GGA2: variants seen among roughly 807,000 people sequenced by gnomAD.
GGA2 encodes the protein golgi associated, gamma adaptin ear containing, ARF binding protein 2, also known as ADP-ribosylation factor-binding protein GGA2.
A neutral mutation model predicts 79.5 loss-of-function variants in GGA2; 48 were observed. The ratio of observed to expected loss-of-function variants is 0.60; its 90% CI spans 0.48 to 0.77. The LOEUF (loss-of-function observed/expected upper bound fraction) is 0.77. GGA2 is among the 30% of genes least tolerant of loss of function. The pLI is 0.00. For synonymous variants in GGA2, 317 were observed against 302.0 expected, an observed-to-expected ratio of 1.05 and a Z score of -0.51; for missense variants, 770 against 774.0, an observed-to-expected ratio of 0.99 and a Z score of 0.06.
rs754527390 is a variant in GGA2, at chr16:23,486,093, G to A, written c.720C>T (p.Ser240=). The stretch of plus-strand genomic sequence containing the variant: ...GCATCTCCTGCAGCACCTTCACATG[G>A]CTTCGCACTTCCTCCACCGCACTGA... ...KRVSAVEEVR[S]HVKVLQEMLS... Residue 240 remains serine (S), a synonymous_variant, in exon 8 of 17, where the codon AGC becomes AGT. Coordinates refer to ENST00000309859, the MANE Select transcript of GGA2 (RefSeq NM_015044.4). 4.3e-6 allele frequency: 7 copies of A among 1,613,794 alleles called. No individual in the cohort carries two copies. Among genetic ancestry groups the A allele is most frequent in the Non-Finnish European group, 5.1e-6 (6 of 1,179,702 alleles).
At chr16:23,523,593 C>G (rs1378000284), upstream of GGA2, 1 of 152,272 alleles carries the variant, frequency 6.6e-6, no homozygotes, top group East Asian at 1.9e-4. Flanking sequence ...TGTCACGTAT[C>G]CTTTGCTGCT....
chr16:23,499,366 G>C (rs576710680), intron 1 of GGA2, among the ~76,000 whole-genome samples: 8 of 151,984 alleles, frequency 5.3e-5, no homozygotes, highest in Non-Finnish European at 1.0e-4. Context: ...GGCTAGTCTC[G>C]AACTACTGAC....
chr16:23,480,525 C>A, intron 10 of GGA2, 120 bp downstream of exon 10: 1 of 845,334 alleles, frequency 1.2e-6, no homozygotes, highest in South Asian at 2.0e-5. Flanking sequence ...GGAAGGGGAA[C>A]AAAGGGCGAG....
chr16:23,494,280 G>A (rs1964826439), intron 3 of GGA2, 23 bp downstream of exon 3: 1 of 1,501,212 alleles, frequency 6.7e-7, no homozygotes, highest in South Asian at 1.1e-5. Flanking sequence ...GAAAGGTTAG[G>A]CTACAAGGCA....
At chr16:23,484,411 T>C (rs1596984330) in intron 8 of GGA2, among the ~76,000 whole-genome samples, 1 of 152,036 alleles carries the variant, frequency 6.6e-6, no homozygotes. Flanking sequence ...GAGCGAGACC[T>C]TGTCTCAAAA....
upstream of GGA2, among the ~76,000 whole-genome samples, chr16:23,513,613 G>A (rs906045006): frequency 1.3e-5 from 2 of 151,654 alleles, no homozygotes; most frequent in Admixed American, 6.6e-5. Flanking sequence ...GTGAAACCGC[G>A]TGTCTACAAA....
intron 8 of GGA2, 32 bp from the exon 9 acceptor site, chr16:23,483,036 G>T: frequency 7.0e-7 from 1 of 1,435,262 alleles, no homozygotes; most frequent in Non-Finnish European, 9.8e-7. Context: ...CATGACACAC[G>T]CCCAGGCACC....
At chr16:23,491,039 C>G (rs1362992784) in intron 5 of GGA2, among the ~76,000 whole-genome samples, 4 of 151,854 alleles carry the variant, frequency 2.6e-5, no homozygotes, top group Non-Finnish European at 5.9e-5. Flanking sequence ...ACAAAAAATA[C>G]AAATATTTGG....
At chr16:23,470,773 A>C (rs1847852866) in intron 14 of GGA2, among the ~76,000 whole-genome samples, 1 of 151,978 alleles carries the variant, frequency 6.6e-6, no homozygotes, top group Non-Finnish European at 1.5e-5. Flanking sequence ...ACAAAAAACA[A>C]AAAGCCACAC....
At position 23,493,927 on chromosome 16, in the gene GGA2, T is replaced by C. The variant is rs957114716; in HGVS notation, c.252+376A>G. 12 of 303,474 alleles carry C rather than the reference T, an allele frequency of 4.0e-5. 1 individual carries two copies. The highest frequency in any genetic ancestry group is 9.2e-5 in the Admixed American group (2 of 21,836). The allele number at this position is 303,474 out of a possible 1,614,324, so 18.8% of individuals were successfully genotyped here. A position where few individuals can be genotyped will look rare whatever the true frequency, so the allele number is the denominator to read the frequency against. On this transcript the variant is annotated intron_variant, in intron 3 of 16. Transcript: ENST00000309859. ...ACCAACATCTAAACACTCAAACATA[T>C]ACAAAGACCTAAACTAGCAACCCTG... is the stretch of plus-strand genomic sequence containing the variant.
At chr16:23,474,756 C>A in intron 14 of GGA2, 148 bp downstream of exon 14, 1 of 650,288 alleles carries the variant, frequency 1.5e-6, no homozygotes, top group South Asian at 1.8e-5. Context: ...CTGGCCACAA[C>A]CTCTTACTTT....
intron 1 of GGA2, chr16:23,500,889 T>A (rs923036863): frequency 5.4e-6 from 1 of 185,864 alleles, no homozygotes. Flanking sequence ...ATCAAATGAG[T>A]GTGCAAGAAA....
upstream of GGA2, among the ~76,000 whole-genome samples, chr16:23,514,470 C>T (rs1965092454): frequency 6.6e-6 from 1 of 150,846 alleles, no homozygotes; most frequent in African/African-American, 2.4e-5. Context: ...TTTTTTGAGA[C>T]AGGGTCTTGC....
intron 5 of GGA2, 128 bp from the exon 6 acceptor site, chr16:23,488,837 A>C: frequency 1.6e-6 from 1 of 616,568 alleles, no homozygotes; most frequent in Non-Finnish European, 2.9e-6. Context: ...AACAGCCTTC[A>C]AAGACAACAC....
chr16:23,500,313 C>G (rs1354350685), intron 1 of GGA2, among the ~76,000 whole-genome samples: 2 of 152,232 alleles, frequency 1.3e-5, no homozygotes, highest in Admixed American at 6.5e-5. Context: ...CGGAGAGGAG[C>G]CAGGAGCCGA....
At chr16:23,513,271 C>T (rs1965084347), upstream of GGA2, among the ~76,000 whole-genome samples, 2 of 67,150 alleles carry the variant, frequency 3.0e-5, no homozygotes, top group South Asian at 8.5e-4. Context: ...ATAGCGAGTA[C>T]TTTGAACTCA....
chr16:23,483,352 C>G (rs1033607120), intron 8 of GGA2, among the ~76,000 whole-genome samples: 2 of 152,120 alleles, frequency 1.3e-5, no homozygotes, highest in African/African-American at 4.8e-5. Flanking sequence ...ACTAAAAATA[C>G]AAAAGTTAGT....
Position 23,467,387 on chromosome 16 carries a change from A to AACACACAC in GGA2, c.*195_*202dup, listed in dbSNP as rs57255054. The AACACACAC allele has an allele frequency of 0.019, 6,218 of 326,880 alleles. 65 individuals carry two copies. Among genetic ancestry groups the AACACACAC allele is most frequent in the Admixed American group, 0.022 (475 of 21,160 alleles). 20.2% of individuals were successfully genotyped at this position (326,880 alleles called of 1,614,324 possible). A position where few individuals can be genotyped will look rare whatever the true frequency, so the allele number is the denominator to read the frequency against. ...GCCCTGTGCTACCACCCTCTCCCCG[A>AACACACAC]ACACACACACACACACACACACACA... is the stretch of plus-strand genomic sequence containing the variant. On this transcript the variant is annotated 3_prime_UTR_variant, in exon 17 of 17. Coordinates refer to ENST00000309859, the MANE Select transcript of GGA2 (RefSeq NM_015044.4).
exon 1 of GGA2, chr16:23,521,830 A>C (rs886871791): frequency 5.0e-5 from 23 of 455,652 alleles, no homozygotes; most frequent in African/African-American, 4.0e-4. Flanking sequence ...AACCATTCTT[A>C]ATGTCTTAGA....
Sources: gnomAD v4.1 joint callset for allele counts (sites outside exome capture counted in the v4.1 genomes callset) on GRCh38, gnomAD v4.1.1 for gene constraint, MANE v1.5 for transcripts, NCBI Gene and HGNC (gene_info 2026-07-23, HGNC 2026-07-21) for gene names.